IMMP2L: variants seen among roughly 807,000 people sequenced by gnomAD.
The protein encoded by IMMP2L is inner mitochondrial membrane peptidase subunit 2, also known as mitochondrial inner membrane protease subunit 2.
A neutral mutation model predicts 19.3 loss-of-function variants in IMMP2L; 18 were observed. The ratio of observed to expected loss-of-function variants is 0.93; its 90% CI spans 0.64 to 1.38. IMMP2L has a LOEUF of 1.38. IMMP2L is among the 40% of genes most tolerant of loss of function. The pLI is 0.00. For synonymous variants in IMMP2L, 76 were observed against 73.0 expected (o/e 1.04, Z -0.21); for missense variants, 233 against 218.2 (o/e 1.07, Z -0.43).
chr7:110,726,346 G>A (rs1176904244), intron 5 of IMMP2L, among the ~76,000 whole-genome samples: 2 of 152,116 alleles, frequency 1.3e-5, no homozygotes, highest in African/African-American at 4.8e-5. Context: ...GAGAGAAAGA[G>A]AAGAAAATAA....
In IMMP2L at chr7:110,891,935, G is replaced by T. The variant is rs145964252; in HGVS notation, c.306-5240C>A. The stretch of plus-strand genomic sequence containing the variant: ...AAGAAAGAGAATAAAAAGAAACAAG[G>T]AATAGATAATATTTGAAGAGATAGT... On this transcript the variant is annotated intron_variant, in intron 4 of 5. Coordinates refer to ENST00000405709, the MANE Select transcript of IMMP2L (RefSeq NM_032549.4). Among the ~76,000 whole-genome samples the T allele has an allele frequency of 1.3e-5, 2 of 152,204 alleles. 1 individual carries two copies. The highest frequency in any genetic ancestry group is 4.8e-5 in the African/African-American group (2 of 41,542).
At chr7:111,134,976 T>C (rs1802197917) in intron 3 of IMMP2L, among the ~76,000 whole-genome samples, 1 of 152,090 alleles carries the variant, frequency 6.6e-6, no homozygotes, top group Admixed American at 6.5e-5. Flanking sequence ...ATTTACTAAA[T>C]ATATTTAACA....
chr7:111,276,315 T>G (rs1316457854), intron 3 of IMMP2L, among the ~76,000 whole-genome samples: 9 of 152,116 alleles, frequency 5.9e-5, no homozygotes, highest in Non-Finnish European at 2.9e-5. Flanking sequence ...CATGGTATAT[T>G]AATCTCTTTG....
chr7:110,795,614 G>GT (rs1584856714), intron 5 of IMMP2L, among the ~76,000 whole-genome samples: 2 of 152,022 alleles, frequency 1.3e-5, no homozygotes, highest in East Asian at 3.9e-4. Context: ...AATGAAATTT[G>GT]TGACAAAAAG....
chr7:111,427,246 C>T (rs1000904959), intron 3 of IMMP2L, among the ~76,000 whole-genome samples: 2 of 151,588 alleles, frequency 1.3e-5, no homozygotes, highest in African/African-American at 4.9e-5. Flanking sequence ...GCCAGAAGTT[C>T]AGACTCAAGA....
At chr7:110,885,129 T>C (rs1810083545) in intron 5 of IMMP2L, among the ~76,000 whole-genome samples, 1 of 152,072 alleles carries the variant, frequency 6.6e-6, no homozygotes, top group African/African-American at 2.4e-5. Flanking sequence ...ACAAGTTGAA[T>C]ATCCCTTATC....
At chr7:110,756,329 G>A (rs1343826183) in intron 5 of IMMP2L, among the ~76,000 whole-genome samples, 1 of 152,064 alleles carries the variant, frequency 6.6e-6, no homozygotes, top group Non-Finnish European at 1.5e-5. Flanking sequence ...GCAGAAATAG[G>A]CTAGTGGCTG....
At chr7:110,719,626 T>A (rs1795446944) in intron 5 of IMMP2L, among the ~76,000 whole-genome samples, 1 of 152,226 alleles carries the variant, frequency 6.6e-6, no homozygotes, top group South Asian at 2.1e-4. Flanking sequence ...CAGCTTTGTG[T>A]CTCAATAGAA....
chr7:110,902,153 T>G (rs1811940436), intron 4 of IMMP2L, among the ~76,000 whole-genome samples: 1 of 151,928 alleles, frequency 6.6e-6, no homozygotes, highest in South Asian at 2.1e-4. Flanking sequence ...GGATTAAAAT[T>G]TTAAGTATGA....
In IMMP2L at chr7:111,065,370, T is replaced by C. The variant is rs186540945; in HGVS notation, c.240-101805A>G. Among the ~76,000 whole-genome samples the C allele has an allele frequency of 3.0e-4, 45 of 152,304 alleles. 1 individual carries two copies. The highest frequency in any genetic ancestry group is 2.5e-3 in the Admixed American group (38 of 15,300). On this transcript the variant is annotated intron_variant, in intron 3 of 5. Coordinates refer to ENST00000405709, the MANE Select transcript of IMMP2L (RefSeq NM_032549.4). ...CATAACTAAGACTTTATTATTGTCT[T>C]TATTTGAAGATTAGGTATGATCTCA...
At chr7:111,199,190 T>C (rs1471469265) in intron 3 of IMMP2L, among the ~76,000 whole-genome samples, 1 of 152,172 alleles carries the variant, frequency 6.6e-6, no homozygotes, top group Non-Finnish European at 1.5e-5. Context: ...AAAACCTGCC[T>C]CATTTCCGAA....
intron 4 of IMMP2L, chr7:110,963,140 G>A: frequency 6.9e-7 from 1 of 1,447,440 alleles, no homozygotes. Context: ...TTCTAAAATA[G>A]TTAAATGTTC....
intron 5 of IMMP2L, among the ~76,000 whole-genome samples, chr7:110,683,295 G>A (rs190996883): frequency 5.3e-5 from 8 of 151,900 alleles, no homozygotes; most frequent in Non-Finnish European, 1.2e-4. Flanking sequence ...GGAAATAAAC[G>A]TTGTTACTTT....
chr7:110,831,062 T>C (rs1225855408), intron 5 of IMMP2L, among the ~76,000 whole-genome samples: 1 of 152,174 alleles, frequency 6.6e-6, no homozygotes, highest in East Asian at 1.9e-4. Flanking sequence ...TTTGGATTGC[T>C]GGACAAATTT....
In IMMP2L at chr7:111,289,832, T is replaced by C. The variant is rs1463515783; in HGVS notation, c.239+197406A>G. 1.3e-5 allele frequency among the ~76,000 whole-genome samples: 2 copies of C among 151,934 alleles called. 1 individual carries two copies. Among genetic ancestry groups the C allele is most frequent in the African/African-American group, 4.8e-5 (2 of 41,364 alleles). The stretch of plus-strand genomic sequence containing the variant: ...TACCTACTGTTCTTATGCTTGGTTG[T>C]TGTGTTTTAAGCCTTCTGTGACCTC... On this transcript the variant is annotated intron_variant, in intron 3 of 5. Coordinates refer to ENST00000405709, the MANE Select transcript of IMMP2L (RefSeq NM_032549.4).
intron 3 of IMMP2L, among the ~76,000 whole-genome samples, chr7:111,128,968 A>G (rs1801585167): frequency 1.3e-5 from 2 of 152,360 alleles, no homozygotes; most frequent in Non-Finnish European, 1.5e-5. Context: ...AAATGTCTAC[A>G]TATCTTTACA....
At chr7:111,147,425 G>A (rs749724772) in intron 3 of IMMP2L, among the ~76,000 whole-genome samples, 1 of 152,120 alleles carries the variant, frequency 6.6e-6, no homozygotes, top group Non-Finnish European at 1.5e-5. Context: ...ACTGAAAGTT[G>A]TCTGTAGGCA....
chr7:110,806,381 A>C (rs1801640588), intron 5 of IMMP2L, among the ~76,000 whole-genome samples: 1 of 151,988 alleles, frequency 6.6e-6, no homozygotes, highest in Non-Finnish European at 1.5e-5. Flanking sequence ...TAACATGATA[A>C]AATGTCTTGA....
chr7:111,253,947 G>A (rs555579823), intron 3 of IMMP2L, among the ~76,000 whole-genome samples: 122 of 152,120 alleles, frequency 8.0e-4, no homozygotes, highest in African/African-American at 2.4e-3. Context: ...GTTCAATAAC[G>A]ACAACTATAT....
Sources: gnomAD v4.1 joint callset for allele counts (sites outside exome capture counted in the v4.1 genomes callset) on GRCh38, gnomAD v4.1.1 for gene constraint, MANE v1.5 for transcripts, NCBI Gene and HGNC (gene_info 2026-07-23, HGNC 2026-07-21) for gene names.